Variants in SYN3 observed in about 807,000 individuals in gnomAD.
The protein encoded by SYN3 is synapsin III, also known as synapsin-3.
In SYN3, 35 loss-of-function variants were observed where a neutral mutation model predicts 65.8. That is an observed-to-expected ratio of 0.53 (90% CI 0.41 to 0.70). The LOEUF is 0.70. SYN3 is among the 30% of genes least tolerant of loss of function. The probability of loss-of-function intolerance (pLI) is 0.00; values close to 1 mark genes in which losing one functional copy is unlikely to be tolerated. For synonymous variants in SYN3, 270 were observed against 292.9 expected (o/e 0.92, Z 0.80); for missense variants, 680 against 749.0 (o/e 0.91, Z 1.08).
chr22:32,973,060 C>T (rs2052069565), intron 3 of SYN3, among the ~76,000 whole-genome samples: 1 of 152,140 alleles, frequency 6.6e-6, no homozygotes, highest in Non-Finnish European at 1.5e-5. Context: ...GCCCAGGCTC[C>T]TCATTCCTCA....
intron 6 of SYN3, among the ~76,000 whole-genome samples, chr22:32,746,075 G>GT (rs1227104857): frequency 2.0e-5 from 3 of 152,138 alleles, no homozygotes; most frequent in Admixed American, 1.3e-4. Flanking sequence ...CTTAAGAATT[G>GT]TTGTCCAAAC....
Position 32,685,367 on chromosome 22 carries a change from C to T in SYN3, c.712-88631G>A, listed in dbSNP as rs779975758. Among the ~76,000 whole-genome samples, 493 of 152,274 alleles carry T rather than the reference C, an allele frequency of 3.2e-3. 1 individual carries two copies. The highest frequency in any genetic ancestry group is 6.8e-3 in the Middle Eastern group (2 of 294). The stretch of plus-strand genomic sequence containing the variant: ...TCTGGAGGGCAATTTGACAACACTT[C>T]GAAAGCCTCAGAAATATAGTCATGT... On this transcript the variant is annotated intron_variant, in intron 6 of 13. Transcript: ENST00000358763.
chr22:32,533,771 G>T, intron 10 of SYN3, 22 bp downstream of exon 10: 1 of 1,570,044 alleles, frequency 6.4e-7, no homozygotes, highest in Non-Finnish European at 8.8e-7. Context: ...CAGCCAGGAG[G>T]ACTCCCTGCT....
chr22:32,814,319 G>GAA (rs1280588836), intron 6 of SYN3, among the ~76,000 whole-genome samples: 1 of 141,542 alleles, frequency 7.1e-6, no homozygotes, highest in Non-Finnish European at 1.5e-5. Context: ...GAGAGAGACA[G>GAA]AAAGAAAGAA....
chr22:32,909,096 G>T (rs774512020), intron 4 of SYN3, among the ~76,000 whole-genome samples: 1 of 152,072 alleles, frequency 6.6e-6, no homozygotes, highest in South Asian at 2.1e-4. Context: ...TGGACTAGGC[G>T]GCATGCTAAA....
intron 6 of SYN3, among the ~76,000 whole-genome samples, chr22:32,708,267 C>T (rs534329107): frequency 6.6e-6 from 1 of 152,040 alleles, no homozygotes; most frequent in Non-Finnish European, 1.5e-5. Flanking sequence ...AACGGTGGTG[C>T]GTGGGGATAA....
chr22:32,533,718 C>G, intron 10 of SYN3, 75 bp downstream of exon 10: 1 of 1,022,608 alleles, frequency 9.8e-7, no homozygotes, highest in African/African-American at 1.6e-5. Flanking sequence ...TGCCAAAGAC[C>G]ATGCAGGGAT....
chr22:32,607,995 G>T (rs73399274), intron 6 of SYN3, among the ~76,000 whole-genome samples: 1 of 152,082 alleles, frequency 6.6e-6, no homozygotes, highest in Non-Finnish European at 1.5e-5. Context: ...TACTTTTTTT[G>T]ACAGTCTTGT....
chr22:32,913,449 C>T (rs887385845), intron 4 of SYN3, among the ~76,000 whole-genome samples: 3 of 151,892 alleles, frequency 2.0e-5, no homozygotes, highest in South Asian at 4.2e-4. Flanking sequence ...TGAGCCACCC[C>T]GCACAGCCAA....
rs1387121464 is a variant in SYN3, at chr22:32,535,136, C to A, written c.993-1241G>T. ...CAGGCTCAGAGCGATGATTAAGTGA[C>A]TGTACCGCTTCCAAATCCAGATCCT... On this transcript the variant is annotated intron_variant, in intron 9 of 13. Transcript: ENST00000358763. Among the ~76,000 whole-genome samples, 3 of 152,206 alleles carry A rather than the reference C, an allele frequency of 2.0e-5. No homozygotes were observed. The East Asian group carries it at 5.8e-4, about 29-fold the overall frequency.
At chr22:32,884,960 C>T (rs1162967969) in intron 4 of SYN3, among the ~76,000 whole-genome samples, 3 of 152,090 alleles carry the variant, frequency 2.0e-5, no homozygotes, top group Non-Finnish European at 2.9e-5. Context: ...TTATGTGGCT[C>T]GACCGTAATT....
chr22:32,842,294 G>C (rs1211912586), intron 6 of SYN3, among the ~76,000 whole-genome samples: 2 of 152,164 alleles, frequency 1.3e-5, no homozygotes, highest in Non-Finnish European at 2.9e-5. Context: ...AGTTGGGATT[G>C]TGGTGATCAA....
Position 33,050,329 on chromosome 22 carries a change from A to T in SYN3, c.-163+7963T>A, listed in dbSNP as rs568806817. On this transcript the variant is annotated intron_variant, in intron 1 of 13. Transcript: ENST00000358763. ...AAACCCCATCTCTACTAAAAATACA[A>T]AAAATTAGCCGGGCGTGGTGGTGCA... Among the ~76,000 whole-genome samples, 4 of 151,944 alleles carry T rather than the reference A, an allele frequency of 2.6e-5. No individual in the cohort carries two copies. In the East Asian group the frequency reaches 7.8e-4, roughly 30 times the overall value.
intron 6 of SYN3, among the ~76,000 whole-genome samples, chr22:32,734,513 G>GCAGGCAGGCAGA (rs1555941120): frequency 1.3e-5 from 2 of 151,318 alleles, no homozygotes; most frequent in Admixed American, 6.6e-5. Flanking sequence ...AGGCAGGCAG[G>GCAGGCAGGCAGA]CAGACAGACA....
At chr22:32,827,329 C>A (rs117281568) in intron 6 of SYN3, among the ~76,000 whole-genome samples, 1 of 152,240 alleles carries the variant, frequency 6.6e-6, no homozygotes, top group African/African-American at 2.4e-5. Context: ...TCATTTGGGC[C>A]TGGACAGCTG....
At chr22:32,847,903 C>T (rs1440068237) in intron 6 of SYN3, among the ~76,000 whole-genome samples, 1 of 152,246 alleles carries the variant, frequency 6.6e-6, no homozygotes. Context: ...AAGTATCCAG[C>T]ACCCTCATCA....
chr22:32,523,369 T>C (rs1299308672), intron 12 of SYN3, among the ~76,000 whole-genome samples: 5 of 152,178 alleles, frequency 3.3e-5, no homozygotes, highest in South Asian at 2.1e-4. Context: ...AAAAATTAGC[T>C]GGGTGTGGTG....
At chr22:32,944,895 T>C (rs1339487188) in intron 3 of SYN3, among the ~76,000 whole-genome samples, 11 of 152,070 alleles carry the variant, frequency 7.2e-5, no homozygotes, top group Non-Finnish European at 1.2e-4. Context: ...TATACACCAA[T>C]AACAGACAAA....
intron 7 of SYN3, among the ~76,000 whole-genome samples, chr22:32,577,362 T>C (rs138569696): frequency 6.6e-6 from 1 of 152,342 alleles, no homozygotes; most frequent in Non-Finnish European, 1.5e-5. Context: ...GGGGCTCCTG[T>C]TGCCCATGAC....
Sources: gnomAD v4.1 joint callset for allele counts (sites outside exome capture counted in the v4.1 genomes callset) on GRCh38, gnomAD v4.1.1 for gene constraint, MANE v1.5 for transcripts, NCBI Gene and HGNC (gene_info 2026-07-23, HGNC 2026-07-21) for gene names.